PARD3B: variants seen among roughly 807,000 people sequenced by gnomAD.
The protein encoded by PARD3B is par-3 family cell polarity regulator beta.
Under a neutral mutation model 130.2 loss-of-function variants are expected in PARD3B, and 103 were observed. The ratio of observed to expected loss-of-function variants is 0.79; its 90% CI spans 0.67 to 0.93. The LOEUF is 0.93. Among genes scored for constraint, PARD3B ranks in the 40% least tolerant of loss-of-function variants. The pLI is 0.00. For missense variants in PARD3B, 1,609 were observed against 1,499.2 expected (o/e 1.07, Z -1.21); for synonymous variants, 583 against 553.2 (o/e 1.05, Z -0.76).
chr2:204,812,080 CTG>C (rs542707946), intron 2 of PARD3B, among the ~76,000 whole-genome samples: 303 of 152,262 alleles, frequency 2.0e-3, no homozygotes, highest in Non-Finnish European at 3.6e-3. Context: ...TTTTCTATCA[CTG>C]TATATTAGTT....
chr2:204,616,088 A>G (rs773997112), intron 1 of PARD3B, among the ~76,000 whole-genome samples: 13 of 152,166 alleles, frequency 8.5e-5, no homozygotes, highest in Non-Finnish European at 1.8e-4. Flanking sequence ...TACAACACCA[A>G]AGGCACAGTA....
intron 4 of PARD3B, among the ~76,000 whole-genome samples, chr2:205,054,428 ATATATATATTTTTT>A (rs1202110820): frequency 0.011 from 346 of 31,810 alleles, 7 homozygotes; most frequent in African/African-American, 0.042. Flanking sequence ...ATATATATAT[ATATATATATTTTTT>A]TTTTTTTTTT....
At chr2:204,860,140 G>A (rs2045122029) in intron 2 of PARD3B, among the ~76,000 whole-genome samples, 1 of 151,972 alleles carries the variant, frequency 6.6e-6, no homozygotes, top group Admixed American at 6.6e-5. Context: ...AAACAAAAAG[G>A]AATCGCAGCT....
At chr2:204,618,615 A>G (rs965820156) in intron 1 of PARD3B, among the ~76,000 whole-genome samples, 1 of 152,204 alleles carries the variant, frequency 6.6e-6, no homozygotes, top group Non-Finnish European at 1.5e-5. Flanking sequence ...TTCTTTTACA[A>G]TAATAATGCT....
chr2:205,308,604 C>CAA lies in PARD3B; in HGVS notation c.2630+6917_2630+6918dup, dbSNP rs5837965. Reference sequence around the variant, plus strand: ...CCTGGGTGAGAGCGAGACTCCGTCTCAAAAAAAAAAAAAAACCAAACAACA... The same window carrying CAA: ...CCTGGGTGAGAGCGAGACTCCGTCTCAAAAAAAAAAAAAAAAACCAAACAACA... On this transcript the variant is annotated intron_variant, in intron 18 of 22. Coordinates refer to ENST00000406610, the MANE Select transcript of PARD3B (RefSeq NM_001302769.2). Among the ~76,000 whole-genome samples the CAA allele has an allele frequency of 1.1e-3, 125 of 113,190 alleles. 3 individuals carry two copies. Among genetic ancestry groups the CAA allele is most frequent in the African/African-American group, 2.3e-3 (75 of 33,034 alleles). 74.3% of individuals were successfully genotyped at this position (113,190 alleles called of 152,430 possible).
intron 21 of PARD3B, among the ~76,000 whole-genome samples, chr2:205,500,762 CAT>C (rs1415557891): frequency 2.6e-5 from 4 of 152,216 alleles, no homozygotes; most frequent in African/African-American, 7.2e-5. Context: ...CAGTGGCTGA[CAT>C]AGAGCTGGTG....
chr2:204,984,914 C>A (rs920328543), intron 3 of PARD3B, among the ~76,000 whole-genome samples: 6 of 152,002 alleles, frequency 3.9e-5, no homozygotes, highest in Admixed American at 6.6e-5. Context: ...TGCCCACCCC[C>A]CCGCACCCCA....
chr2:205,572,793 G>A lies in PARD3B; in HGVS notation c.3260+19390G>A, dbSNP rs1266741168. Among the ~76,000 whole-genome samples, 1 of 152,146 alleles carries A rather than the reference G, an allele frequency of 6.6e-6. No individual in the cohort carries two copies. Among genetic ancestry groups the A allele is most frequent in the Non-Finnish European group, 1.5e-5 (1 of 68,028 alleles). ...CAAGACTACAATCAGGAAGGGCATTGTGAAACTGTTTATGTGGTCCCTACA... is the reference window on the plus strand; with the variant it reads ...CAAGACTACAATCAGGAAGGGCATTATGAAACTGTTTATGTGGTCCCTACA... On this transcript the variant is annotated intron_variant, in intron 22 of 22. Transcript: ENST00000406610. The surrounding 1 kb of genome is among the most constrained non-coding windows in gnomAD (Gnocchi z 4.2).
At chr2:205,476,867 T>C (rs1360928286) in intron 20 of PARD3B, among the ~76,000 whole-genome samples, 1 of 152,234 alleles carries the variant, frequency 6.6e-6, no homozygotes, top group African/African-American at 2.4e-5. Context: ...TGTGTATGCG[T>C]GTGTGTATAT....
At chr2:205,190,660 G>T in intron 14 of PARD3B, among the ~76,000 whole-genome samples, 1 of 152,032 alleles carries the variant, frequency 6.6e-6, no homozygotes, top group African/African-American at 2.4e-5. Context: ...TGAGCCTCAG[G>T]GTCTTATCTG....
At chr2:204,785,306 G>A (rs546820560) in intron 2 of PARD3B, among the ~76,000 whole-genome samples, 32 of 152,058 alleles carry the variant, frequency 2.1e-4, no homozygotes, top group African/African-American at 6.8e-4. Context: ...TCTGTTCCCC[G>A]TGTAATCTGG....
At chr2:204,592,322 A>T (rs1332768441) in intron 1 of PARD3B, among the ~76,000 whole-genome samples, 1 of 152,270 alleles carries the variant, frequency 6.6e-6, no homozygotes, top group Non-Finnish European at 1.5e-5. Flanking sequence ...GAAAAAGAGC[A>T]CATGTGAGCT....
At position 204,610,848 on chromosome 2, in the gene PARD3B, A is replaced by T. The variant is rs1451945234; in HGVS notation, c.120+64729A>T. On this transcript the variant is annotated intron_variant, in intron 1 of 22. Coordinates refer to ENST00000406610, the MANE Select transcript of PARD3B (RefSeq NM_001302769.2). The surrounding 1 kb of genome is among the most constrained non-coding windows in gnomAD (Gnocchi z 4.1). Reference sequence around the variant, plus strand: ...AAGTATTTATTATTTACATAACAGTATTTCTAGTATATAAAATTCAGTTGA... The same window carrying T: ...AAGTATTTATTATTTACATAACAGTTTTTCTAGTATATAAAATTCAGTTGA... Among the ~76,000 whole-genome samples, 2 of 152,184 alleles carry T rather than the reference A, an allele frequency of 1.3e-5. No individual in the cohort carries two copies. The highest frequency in any genetic ancestry group is 2.1e-4 in the South Asian group (1 of 4,832).
intron 18 of PARD3B, among the ~76,000 whole-genome samples, chr2:205,390,629 A>C (rs562104941): frequency 3.9e-5 from 6 of 152,298 alleles, no homozygotes; most frequent in African/African-American, 1.4e-4. Context: ...GTGCAGATGA[A>C]TTCCATAGAA....
chr2:205,334,139 A>T (rs1427047337), intron 18 of PARD3B, among the ~76,000 whole-genome samples: 1 of 152,164 alleles, frequency 6.6e-6, no homozygotes, highest in Non-Finnish European at 1.5e-5. Context: ...TTCTTCTTTA[A>T]CTGGTGGACT....
rs753102493 is a variant in PARD3B, at chr2:205,172,262, C to T, written c.1672C>T (p.Leu558Phe). ...GCTGATTGCAGTTAATGGGGAATCT[C>T]TTTTGGGAAAGTCCAACCACGAAGC... ...DQLIAVNGES[L>F]LGKSNHEAME... The change falls in exon 12 of 23, where the codon CTT (leucine) becomes TTT (phenylalanine). Residue 558 changes from leucine to phenylalanine, a missense_variant. By Grantham distance (22) the Leu-to-Phe change is conservative. Transcript: ENST00000406610. 8 of 1,614,172 alleles carry T rather than the reference C, an allele frequency of 5.0e-6. No individual in the cohort carries two copies. The highest frequency in any genetic ancestry group is 5.9e-6 in the Non-Finnish European group (7 of 1,180,028).
intron 2 of PARD3B, among the ~76,000 whole-genome samples, chr2:204,764,113 C>T (rs2041027357): frequency 6.6e-6 from 1 of 152,094 alleles, no homozygotes; most frequent in South Asian, 2.1e-4. Context: ...AAGGAGAAAG[C>T]TCTCCACCAC....
intron 2 of PARD3B, among the ~76,000 whole-genome samples, chr2:204,727,647 A>C (rs2039295712): frequency 6.6e-6 from 1 of 152,152 alleles, no homozygotes; most frequent in African/African-American, 2.4e-5. Context: ...GAGGTAAAAG[A>C]AACAGGAATT....
At chr2:205,474,621 C>A (rs1420893361) in intron 20 of PARD3B, among the ~76,000 whole-genome samples, 4 of 152,012 alleles carry the variant, frequency 2.6e-5, no homozygotes, top group African/African-American at 4.8e-5. Flanking sequence ...CTGATAAGCA[C>A]CTTTATAAAA....
Sources: gnomAD v4.1 joint callset for allele counts (sites outside exome capture counted in the v4.1 genomes callset) on GRCh38, gnomAD v4.1.1 for gene constraint, Gnocchi (gnomAD v3.1) non-coding constraint, MANE v1.5 for transcripts, NCBI Gene and HGNC (gene_info 2026-07-23, HGNC 2026-07-21) for gene names.